ACIN1: variants seen among roughly 807,000 people sequenced by gnomAD.
The protein encoded by ACIN1 is apoptotic chromatin condensation inducer in the nucleus.
A neutral mutation model predicts 146.6 loss-of-function variants in ACIN1; 16 were observed. That is an observed-to-expected ratio of 0.11 (90% CI 0.07 to 0.17). ACIN1 has a LOEUF of 0.17. ACIN1 is among the 10% of genes least tolerant of loss of function. ACIN1 has a pLI of 1.00. For missense variants in ACIN1, 1,357 were observed against 1,609.3 expected (o/e 0.84, Z 2.68); for synonymous variants, 569 against 582.7 (o/e 0.98, Z 0.34).
Position 23,068,812 on chromosome 14 carries a change from C to A in ACIN1, c.2265+664G>T, listed in dbSNP as rs2047536517. 1 of 985,496 alleles carries A rather than the reference C, an allele frequency of 1.0e-6. No individual in the cohort carries two copies. The highest frequency in any genetic ancestry group is 1.2e-6 in the Non-Finnish European group (1 of 829,958). The allele number at this position is 985,496 out of a possible 1,614,324, so 61.0% of individuals were successfully genotyped here. ...AACAGTCCCTCCCACCTTGTTACCC[C>A]TCTCCTAAACCCAGCTCATTCTTTC... is the stretch of plus-strand genomic sequence containing the variant. On this transcript the variant is annotated intron_variant, in intron 9 of 18. Transcript: ENST00000605057. The surrounding 1 kb of genome is among the most constrained non-coding windows in gnomAD (Gnocchi z 4.3).
chr14:23,090,121 TCGGGG>T lies in ACIN1; in HGVS notation c.317-25_317-21del. The stretch of plus-strand genomic sequence containing the variant: ...AAGCTTCTGCAAAGTACAGATCGGG[TCGGGG>T]CAGGGAGGGAGTGAAGGACTCAGCA... On this transcript the variant is annotated intron_variant, in intron 3 of 18. Transcript: ENST00000605057. 9 of 1,610,744 alleles carry T rather than the reference TCGGGG, an allele frequency of 5.6e-6. No individual in the cohort carries two copies. Among genetic ancestry groups the T allele is most frequent in the Non-Finnish European group, 7.6e-6 (9 of 1,177,994 alleles).
rs1393226552 is a variant in ACIN1 at position 23,059,711 on chromosome 14, T to C, written c.3526-237A>G. On this transcript the variant is annotated intron_variant, in intron 18 of 18. Coordinates refer to ENST00000605057, the MANE Select transcript of ACIN1 (RefSeq NM_001386863.1). ...TCCGTCGCCCAGGCTGGGAGTGCAG[T>C]GGCACGATCTCGGCTCACTGCAAGC... 3.3e-5 allele frequency among the ~76,000 whole-genome samples: 5 copies of C among 149,866 alleles called. 1 individual carries two copies. The highest frequency in any genetic ancestry group is 1.2e-4 in the African/African-American group (5 of 40,578).
chr14:23,090,369 A>G (rs540835373), intron 3 of ACIN1, among the ~76,000 whole-genome samples, 153 bp downstream of exon 3: 1 of 152,370 alleles, frequency 6.6e-6, no homozygotes, highest in Admixed American at 6.5e-5. Flanking sequence ...AAAAGTAAAT[A>G]GTAAACCACT....
At position 23,093,618 on chromosome 14, in the gene ACIN1, C is replaced by T. The variant is rs2140253326; in HGVS notation, c.139-74G>A. On this transcript the variant is annotated intron_variant, in intron 1 of 18. Transcript: ENST00000605057. ...AAACAAACCCCCACCTCTACCACAA[C>T]CTCTAAATTAAACGCAATGACTTAA... 4 of 1,268,024 alleles carry T rather than the reference C, an allele frequency of 3.2e-6. No homozygotes were observed. In the East Asian group the frequency reaches 7.0e-5, roughly 22 times the overall value. 78.5% of individuals were successfully genotyped at this position (1,268,024 alleles called of 1,614,324 possible).
intron 16 of ACIN1, among the ~76,000 whole-genome samples, chr14:23,061,951 G>C (rs1453130327): frequency 7.7e-6 from 1 of 130,624 alleles, no homozygotes; most frequent in East Asian, 2.2e-4. Flanking sequence ...TCCAGCCTGG[G>C]AGACAGCGAG....
rs752068042 is a variant in ACIN1, at chr14:23,061,277, AC to A, written c.3424+20del. The stretch of plus-strand genomic sequence containing the variant: ...TTCCCACCTACTAGTGGGTATGCGT[AC>A]CCCATAGCTAAGTACCTACCTTTCT... On this transcript the variant is annotated intron_variant, in intron 17 of 18. Transcript: ENST00000605057. 3.1e-6 allele frequency: 5 copies of A among 1,613,650 alleles called. No individual in the cohort carries two copies. The highest frequency in any genetic ancestry group is 4.2e-6 in the Non-Finnish European group (5 of 1,179,678).
Position 23,080,765 on chromosome 14 carries a change from C to A in ACIN1, c.570G>T (p.Glu190Asp). Residue 190 changes from glutamate (E) to aspartate (D), a missense_variant, in exon 6 of 19, where the codon GAG (glutamate) becomes GAT (aspartate). By Grantham distance (45) the Glu-to-Asp change is conservative. Coordinates refer to ENST00000605057, the MANE Select transcript of ACIN1 (RefSeq NM_001386863.1). ...TGGAAGGTGTTTCTTGATCCTCTTCCTCCTCAGCAGGTTGGCTGCCCTCAG... is the reference window on the plus strand; with the variant it reads ...TGGAAGGTGTTTCTTGATCCTCTTCATCCTCAGCAGGTTGGCTGCCCTCAG... ...KLSEGSQPAE[E>D]EEDQETPSRN... The A allele has an allele frequency of 6.2e-7, 1 of 1,612,654 alleles. No individual in the cohort carries two copies. The highest frequency in any genetic ancestry group is 8.5e-7 in the Non-Finnish European group (1 of 1,179,006).
intron 5 of ACIN1, 38 bp from the exon 6 acceptor site, chr14:23,080,847 G>C (rs760220160): frequency 1.5e-5 from 23 of 1,552,132 alleles, no homozygotes; most frequent in Non-Finnish European, 1.9e-5. Context: ...AAATGTATTT[G>C]CTCACAGTCA....
intron 8 of ACIN1, chr14:23,071,383 C>T (rs769824967): frequency 9.0e-6 from 14 of 1,549,114 alleles, no homozygotes; most frequent in East Asian, 2.4e-5. Context: ...TGCGGGGAGG[C>T]TAAAACAGAT....
In ACIN1 at chr14:23,067,511, G is replaced by GGGGGGGCGGC; in HGVS notation, c.2266-1504_2266-1503insGCCGCCCCCC. Reference sequence around the variant, plus strand: ...CCAGGGGCGCAGGGGGGGCGGGAGGGAAACGTGTGGGGGGACGCTGCCCAG... The same window carrying GGGGGGGCGGC: ...CCAGGGGCGCAGGGGGGGCGGGAGGGGGGGGGCGGCAAACGTGTGGGGGGACGCTGCCCAG... On this transcript the variant is annotated intron_variant, in intron 9 of 18. Coordinates refer to ENST00000605057, the MANE Select transcript of ACIN1 (RefSeq NM_001386863.1). This position sits in a 1 kb window ranked among gnomAD's most constrained non-coding sequence, Gnocchi z 4.6. The GGGGGGGCGGC allele has an allele frequency of 4.5e-6, 1 of 221,754 alleles. No homozygotes were observed. The highest frequency in any genetic ancestry group is 1.8e-4 in the South Asian group (1 of 5,410). 13.7% of individuals were successfully genotyped at this position (221,754 alleles called of 1,614,324 possible). A position where few individuals can be genotyped will look rare whatever the true frequency, so the allele number is the denominator to read the frequency against.
At chr14:23,069,218 T>G in intron 9 of ACIN1, 1 of 1,184,632 alleles carries the variant, frequency 8.4e-7, no homozygotes, top group South Asian at 4.0e-5. Flanking sequence ...TATCAGACTT[T>G]CCCGTTAGTT....
chr14:23,061,478 G>C lies in ACIN1; in HGVS notation c.3244C>G (p.Arg1082Gly), dbSNP rs545679768. 13 of 1,562,816 alleles carry C rather than the reference G, an allele frequency of 8.3e-6. No individual in the cohort carries two copies. The highest frequency in any genetic ancestry group is 1.1e-5 in the Non-Finnish European group (13 of 1,151,610). The part of the protein sequence containing the change: ...HPRAEQREQE[R>G]AVREQWAERE... ...TCTGCCCACTGTTCCCGCACTGCCC[G>C]TTCCTGCTCCCGCTGCTCTGCCCGG... Residue 1082 changes from arginine to glycine, a missense_variant, in exon 17 of 19, where the codon CGG (arginine) becomes GGG (glycine). By Grantham distance (125) the Arg-to-Gly change is moderately radical. Around this residue, in one of 4 missense-constraint regions of ACIN1, gnomAD observed 509 missense variants for 719.6 expected, o/e 0.71. Coordinates refer to ENST00000605057, the MANE Select transcript of ACIN1 (RefSeq NM_001386863.1).
intron 8 of ACIN1, chr14:23,076,665 G>C (rs967829763): frequency 6.6e-6 from 1 of 152,204 alleles, no homozygotes; most frequent in Admixed American, 6.5e-5. Context: ...TGCATCGGAA[G>C]CAGTTCCTCA....
chr14:23,063,500 A>G lies in ACIN1; in HGVS notation c.2673T>C (p.Pro891=), dbSNP rs534794844. Residue 891 remains proline (P), a synonymous_variant, in exon 13 of 19, where the codon CCT becomes CCC. Coordinates refer to ENST00000605057, the MANE Select transcript of ACIN1 (RefSeq NM_001386863.1). Reference sequence around the variant, plus strand: ...CCTCTACTGACACCTGGGGAGGTACAGGAGGTTCTGCTTCAGGTTCCTTCT... The same window carrying G: ...CCTCTACTGACACCTGGGGAGGTACGGGAGGTTCTGCTTCAGGTTCCTTCT... ...EEEKEPEAEP[P]VPPQVSVEVA... 1 of 1,614,180 alleles carries G rather than the reference A, an allele frequency of 6.2e-7. No homozygotes were observed. The highest frequency in any genetic ancestry group is 1.3e-5 in the African/African-American group (1 of 75,052).
In ACIN1 at chr14:23,063,873, A is replaced by C. The variant is rs1246286416; in HGVS notation, c.2595+232T>G. ...CAACTCTGGTGATGTTGTAGTGAAC[A>C]AACAGCCACAGACAAAAGTGAATGA... On this transcript the variant is annotated intron_variant, in intron 12 of 18. Coordinates refer to ENST00000605057, the MANE Select transcript of ACIN1 (RefSeq NM_001386863.1). Among the ~76,000 whole-genome samples, 4 of 152,248 alleles carry C rather than the reference A, an allele frequency of 2.6e-5. 1 individual carries two copies. The highest frequency in any genetic ancestry group is 2.6e-4 in the Admixed American group (4 of 15,286).
At chr14:23,079,149 T>C (rs902734388) in intron 6 of ACIN1, 111 bp from the exon 7 acceptor site, 4 of 1,102,632 alleles carry the variant, frequency 3.6e-6, no homozygotes, top group South Asian at 1.7e-5. Flanking sequence ...CTGGACCTTT[T>C]TGTCTGTGTT....
intron 4 of ACIN1, among the ~76,000 whole-genome samples, chr14:23,089,445 T>C (rs1198089157): frequency 6.6e-6 from 1 of 152,214 alleles, no homozygotes; most frequent in African/African-American, 2.4e-5. Flanking sequence ...TACTATAATA[T>C]GCTCACATAA....
At position 23,067,469 on chromosome 14, in the gene ACIN1, G is replaced by A; in HGVS notation, c.2266-1461C>T. On this transcript the variant is annotated intron_variant, in intron 9 of 18. Transcript: ENST00000605057. This position sits in a 1 kb window ranked among gnomAD's most constrained non-coding sequence, Gnocchi z 4.6. ...GGCGCACGGCGTGGTAGTCAGCACG[G>A]CACTGCCAGAGTCCTCCCAGGGGCG... 1 of 964,084 alleles carries A rather than the reference G, an allele frequency of 1.0e-6. No individual in the cohort carries two copies. Among genetic ancestry groups the A allele is most frequent in the Non-Finnish European group, 1.2e-6 (1 of 817,102 alleles). 59.7% of individuals were successfully genotyped at this position (964,084 alleles called of 1,614,324 possible). A position where few individuals can be genotyped will look rare whatever the true frequency, so the allele number is the denominator to read the frequency against.
In ACIN1 at chr14:23,059,334, A is replaced by ACGTTTCTCT. The variant is rs750738390; in HGVS notation, c.3657_3665dup (p.Glu1220_Arg1222dup). On this transcript the variant is annotated inframe_insertion, in exon 19 of 19. Transcript: ENST00000605057. ...TGTCCCTCTCCCGACTGTGCTCCCG[A>ACGTTTCTCT]CGTTTCTCTCGCTCCAGCTGTCGGT... The ACGTTTCTCT allele has an allele frequency of 1.9e-6, 3 of 1,604,358 alleles. No individual in the cohort carries two copies. Among genetic ancestry groups the ACGTTTCTCT allele is most frequent in the Admixed American group, 3.3e-5 (2 of 59,820 alleles).
Sources: allele counts gnomAD v4.1 joint callset (sites outside exome capture counted in the v4.1 genomes callset), GRCh38; gene constraint gnomAD v4.1.1; regional missense constraint gnomAD v4.1.1; non-coding constraint Gnocchi (gnomAD v3.1); transcripts MANE v1.5; gene names NCBI Gene and HGNC (gene_info 2026-07-23, HGNC 2026-07-21).